The following PCDH15 variants were observed in gnomAD, a reference collection of about 807,000 sequenced individuals.
PCDH15 encodes protocadherin related 15, also known as protocadherin-15.
A neutral mutation model predicts 178.5 loss-of-function variants in PCDH15; 129 were observed. The ratio of observed to expected loss-of-function variants is 0.72; its 90% CI spans 0.63 to 0.84. The LOEUF is 0.84. PCDH15 is among the 40% of genes least tolerant of loss of function. The pLI is 0.00. For synonymous variants in PCDH15, 800 were observed against 732.0 expected, an observed-to-expected ratio of 1.09 and a Z score of -1.50; for missense variants, 2,230 against 2,099.9, an observed-to-expected ratio of 1.06 and a Z score of -1.21.
chr10:54,779,573 A>G (rs1187392475), intron 1 of PCDH15, among the ~76,000 whole-genome samples: 1 of 134,436 alleles, frequency 7.4e-6, no homozygotes. Context: ...TCAATACAGC[A>G]CACTGATTCT....
At chr10:54,017,853 G>A (rs1275793464) in intron 20 of PCDH15, among the ~76,000 whole-genome samples, 1 of 152,054 alleles carries the variant, frequency 6.6e-6, no homozygotes, top group African/African-American at 2.4e-5. Flanking sequence ...ATACTTCCGT[G>A]TTTCACTGTG....
intron 2 of PCDH15, among the ~76,000 whole-genome samples, chr10:55,528,215 A>G (rs139681526): frequency 1.5e-3 from 233 of 151,278 alleles, no homozygotes; most frequent in African/African-American, 5.3e-3. Context: ...TTTTTATTTT[A>G]TTATTTATTT....
At chr10:54,201,402 AT>A (rs1217940317) in intron 10 of PCDH15, among the ~76,000 whole-genome samples, 2 of 151,908 alleles carry the variant, frequency 1.3e-5, no homozygotes, top group East Asian at 3.9e-4. Context: ...TTTATGAAAT[AT>A]TTTTCTATAT....
At position 55,382,646 on chromosome 10, in the gene PCDH15, G is replaced by T. The variant is rs185105183; in HGVS notation, c.-155-215995C>A. ...ATGATAACGTATATGTGTTGTTTAG[G>T]CTCTTCATTCAGGAAATTTGTAGAA... is the stretch of plus-strand genomic sequence containing the variant. On this transcript the variant is annotated intron_variant, in intron 2 of 5. Coordinates refer to the PCDH15 transcript ENST00000613346. 3.3e-5 allele frequency among the ~76,000 whole-genome samples: 5 copies of T among 152,230 alleles called. No individual in the cohort carries two copies. In the East Asian group the frequency reaches 7.7e-4, roughly 24 times the overall value.
intron 26 of PCDH15, among the ~76,000 whole-genome samples, chr10:53,892,257 C>A (rs377186189): frequency 3.3e-5 from 5 of 152,006 alleles, no homozygotes; most frequent in Admixed American, 1.3e-4. Context: ...GAACTCCTGA[C>A]CTCGTGATCC....
chr10:54,718,965 G>C (rs145015865), intron 1 of PCDH15, among the ~76,000 whole-genome samples: 5,382 of 151,736 alleles, frequency 0.035, 316 homozygotes, highest in African/African-American at 0.12. Context: ...AAAGTGCTAG[G>C]ATTACAGGCA....
intron 21 of PCDH15, 155 bp downstream of exon 21, chr10:53,995,494 C>A: frequency 3.0e-6 from 4 of 1,351,164 alleles, no homozygotes; most frequent in South Asian, 2.5e-5. Context: ...ATGCTCTGTA[C>A]CTGTGGATGA....
intron 2 of PCDH15, among the ~76,000 whole-genome samples, chr10:55,020,877 C>T (rs1840310542): frequency 6.6e-6 from 1 of 152,156 alleles, no homozygotes; most frequent in Non-Finnish European, 1.5e-5. Flanking sequence ...GCCCACCTCC[C>T]ACAAATGCAT....
chr10:54,145,493 T>C (rs1156902360), intron 14 of PCDH15, among the ~76,000 whole-genome samples: 1 of 152,136 alleles, frequency 6.6e-6, no homozygotes, highest in Non-Finnish European at 1.5e-5. Context: ...GATTGTATTC[T>C]ATTATTTTTG....
intron 29 of PCDH15, among the ~76,000 whole-genome samples, chr10:53,832,887 C>A (rs2077092960): frequency 6.6e-6 from 1 of 151,906 alleles, no homozygotes; most frequent in South Asian, 2.1e-4. Flanking sequence ...ACATATGTAA[C>A]TCATAAACTA....
rs1035668140 is a variant in PCDH15 at position 54,391,837 on chromosome 10, G to A, written c.158-12895C>T. Among the ~76,000 whole-genome samples the A allele has an allele frequency of 7.9e-5, 12 of 152,280 alleles. 1 individual carries two copies. Among genetic ancestry groups the A allele is most frequent in the Admixed American group, 7.8e-4 (12 of 15,300 alleles). Reference sequence around the variant, plus strand: ...GAGTGGATGTAAAAGGCAAACAGATGTATCTGCACATTACCTCCTCAAGGC... The same window carrying A: ...GAGTGGATGTAAAAGGCAAACAGATATATCTGCACATTACCTCCTCAAGGC... On this transcript the variant is annotated intron_variant, in intron 3 of 37. Coordinates refer to ENST00000644397, the MANE Select transcript of PCDH15 (RefSeq NM_001384140.1).
intron 3 of PCDH15, among the ~76,000 whole-genome samples, chr10:54,861,952 T>C (rs111537491): frequency 2.0e-5 from 3 of 152,300 alleles, no homozygotes; most frequent in African/African-American, 7.2e-5. Context: ...TTCAGTTAAC[T>C]TTAGGAGTAT....
At chr10:54,346,031 G>A (rs1409170360) in intron 6 of PCDH15, among the ~76,000 whole-genome samples, 1 of 151,978 alleles carries the variant, frequency 6.6e-6, no homozygotes, top group East Asian at 1.9e-4. Flanking sequence ...TAATTTATGA[G>A]TTGCATAAAA....
intron 9 of PCDH15, among the ~76,000 whole-genome samples, chr10:54,217,291 A>T (rs2052200540): frequency 6.6e-6 from 1 of 152,278 alleles, no homozygotes; most frequent in Non-Finnish European, 1.5e-5. Context: ...AAGCACAAAC[A>T]AAAAGAACTA....
chr10:53,962,037 T>A (rs990081444), intron 21 of PCDH15, 145 bp from the exon 22 acceptor site: 18 of 673,668 alleles, frequency 2.7e-5, no homozygotes, highest in Non-Finnish European at 4.5e-5. Context: ...AGCTGAAATG[T>A]AGCCAGATCA....
At chr10:54,474,831 TG>T (rs1288593475) in intron 3 of PCDH15, among the ~76,000 whole-genome samples, 2 of 152,000 alleles carry the variant, frequency 1.3e-5, no homozygotes, top group African/African-American at 4.8e-5. Context: ...GGTTTTTCAA[TG>T]AAACAAATTC....
intron 32 of PCDH15, chr10:53,823,518 C>T (rs1286725361): frequency 2.5e-6 from 2 of 808,630 alleles, no homozygotes; most frequent in Admixed American, 1.8e-5. Flanking sequence ...TAATTCCCTG[C>T]TCTTAGAAAG....
intron 3 of PCDH15, among the ~76,000 whole-genome samples, chr10:54,516,352 G>C (rs973026585): frequency 6.6e-5 from 10 of 152,118 alleles, no homozygotes; most frequent in African/African-American, 2.4e-4. Context: ...AACAAATGCA[G>C]AGAAGTGCTT....
chr10:53,924,223 C>T (rs901697818), intron 25 of PCDH15, among the ~76,000 whole-genome samples: 7 of 152,272 alleles, frequency 4.6e-5, no homozygotes, highest in Non-Finnish European at 8.8e-5. Flanking sequence ...GTGGCGCTCG[C>T]GAGCCAGCGT....
Sources: gnomAD v4.1 joint callset for allele counts (sites outside exome capture counted in the v4.1 genomes callset) on GRCh38, gnomAD v4.1.1 for gene constraint, MANE v1.5 for transcripts, NCBI Gene and HGNC (gene_info 2026-07-23, HGNC 2026-07-21) for gene names.